The following PTPRN2 variants were observed in gnomAD, a reference collection of about 807,000 sequenced individuals.
PTPRN2 encodes the protein receptor-type tyrosine-protein phosphatase N2.
In PTPRN2, 74 loss-of-function variants were observed where a neutral mutation model predicts 118.8. The ratio of observed to expected loss-of-function variants is 0.62; its 90% CI spans 0.52 to 0.76. The LOEUF (loss-of-function observed/expected upper bound fraction) is 0.76. Ranked by LOEUF, PTPRN2 falls within the 30% of genes least tolerant of loss-of-function variation. The pLI is 0.00. For synonymous variants in PTPRN2, 641 were observed against 608.0 expected, an observed-to-expected ratio of 1.05 and a Z score of -0.80; for missense variants, 1,481 against 1,394.4, an observed-to-expected ratio of 1.06 and a Z score of -0.99.
At chr7:158,225,208 C>A (rs1055158258) in intron 3 of PTPRN2, among the ~76,000 whole-genome samples, 39 of 151,820 alleles carry the variant, frequency 2.6e-4, no homozygotes, top group African/African-American at 9.4e-4. Context: ...TCATAAGACA[C>A]AAAAATTGAA....
chr7:158,358,735 G>A (rs1441470727), intron 2 of PTPRN2, among the ~76,000 whole-genome samples: 2 of 152,196 alleles, frequency 1.3e-5, no homozygotes, highest in Admixed American at 6.5e-5. Context: ...GCACTGATAC[G>A]TGGCCCCCAG....
chr7:157,731,681 C>T (rs4716774), intron 12 of PTPRN2, among the ~76,000 whole-genome samples: 18 of 15,168 alleles, frequency 1.2e-3, no homozygotes, highest in Middle Eastern at 0.045. Context: ...GTTACCCTTT[C>T]CCGTCCCACG....
intron 14 of PTPRN2, among the ~76,000 whole-genome samples, chr7:157,638,277 C>T (rs888785916): frequency 1.3e-5 from 2 of 152,076 alleles, no homozygotes; most frequent in African/African-American, 4.8e-5. Context: ...ACCAACCAAA[C>T]GTGCTCACAA....
rs968273216 is a variant in PTPRN2, at chr7:157,619,876, C to T, written c.2344+1486G>A. 6.6e-6 allele frequency among the ~76,000 whole-genome samples: 1 copy of T among 152,174 alleles called. No individual in the cohort carries two copies. Among genetic ancestry groups the T allele is most frequent in the African/African-American group, 2.4e-5 (1 of 41,444 alleles). ...CAGGCGGTGTCTCAGGGACACCAGT[C>T]TGATCCCTTGACCGGCTCCGAAGGG... On this transcript the variant is annotated intron_variant, in intron 15 of 22. Transcript: ENST00000389418. This position sits in a 1 kb window ranked among gnomAD's most constrained non-coding sequence, Gnocchi z 5.3.
At chr7:158,388,091 C>T (rs115824276) in intron 2 of PTPRN2, among the ~76,000 whole-genome samples, 3,184 of 152,236 alleles carry the variant, frequency 0.021, 99 homozygotes, top group African/African-American at 0.071. Flanking sequence ...AAAATACTTT[C>T]GGAGGATTCC....
At chr7:157,713,376 C>T (rs924601479) in intron 12 of PTPRN2, among the ~76,000 whole-genome samples, 5 of 152,132 alleles carry the variant, frequency 3.3e-5, no homozygotes, top group African/African-American at 7.2e-5. Context: ...ATTTTCTCCT[C>T]ATTAAGTAAT....
chr7:157,990,007 A>T lies in PTPRN2; in HGVS notation c.1724-91270T>A, dbSNP rs1201638479. Among the ~76,000 whole-genome samples the T allele has an allele frequency of 1.3e-5, 2 of 152,030 alleles. No homozygotes were observed. Among genetic ancestry groups the T allele is most frequent in the Non-Finnish European group, 2.9e-5 (2 of 68,004 alleles). On this transcript the variant is annotated intron_variant, in intron 11 of 22. Transcript: ENST00000389418. The surrounding 1 kb of genome is among the most constrained non-coding windows in gnomAD (Gnocchi z 4.3). ...AGAGCTGCTTCGTGTCCCTTCTTTG[A>T]CAGTAAAAGTTGTTTTCTTGGAAAT...
chr7:158,364,527 A>C (rs571216996), intron 2 of PTPRN2, among the ~76,000 whole-genome samples: 95 of 152,382 alleles, frequency 6.2e-4, no homozygotes, highest in African/African-American at 2.2e-3. Context: ...AAGATCTGAG[A>C]ATACAAGCAA....
intron 3 of PTPRN2, among the ~76,000 whole-genome samples, chr7:158,270,842 C>A (rs1414199442): frequency 3.6e-5 from 1 of 28,160 alleles, no homozygotes; most frequent in Non-Finnish European, 6.1e-5. Flanking sequence ...ATGACCCCCT[C>A]ACCTGGACCG....
rs1029740551 is a variant in PTPRN2 at position 157,779,616 on chromosome 7, C to T, written c.1789-96679G>A. ...TCTGTCTAAATAACTTGCTTCTCAC[C>T]CTGCTGCAGGAGTCTCCGAAGCACA... On this transcript the variant is annotated intron_variant, in intron 12 of 22. Transcript: ENST00000389418. This position sits in a 1 kb window ranked among gnomAD's most constrained non-coding sequence, Gnocchi z 4.7. Among the ~76,000 whole-genome samples, 4 of 152,178 alleles carry T rather than the reference C, an allele frequency of 2.6e-5. No homozygotes were observed. Among genetic ancestry groups the T allele is most frequent in the African/African-American group, 9.7e-5 (4 of 41,444 alleles).
chr7:158,497,248 C>G (rs1249031920), intron 1 of PTPRN2, among the ~76,000 whole-genome samples: 1 of 135,768 alleles, frequency 7.4e-6, no homozygotes, highest in Non-Finnish European at 1.6e-5. Context: ...CCTGGGCTGC[C>G]AAGCAAGGGG....
chr7:158,042,081 G>A (rs1382206818), intron 11 of PTPRN2, among the ~76,000 whole-genome samples: 1 of 152,190 alleles, frequency 6.6e-6, no homozygotes, highest in Non-Finnish European at 1.5e-5. Context: ...TCGTGCGGCT[G>A]GACACGCACT....
intron 2 of PTPRN2, among the ~76,000 whole-genome samples, chr7:158,393,555 C>A (rs763011550): frequency 5.3e-5 from 8 of 152,226 alleles, no homozygotes; most frequent in Admixed American, 3.9e-4. Flanking sequence ...CCGGCACCTG[C>A]TGCAGACCGG....
intron 2 of PTPRN2, among the ~76,000 whole-genome samples, chr7:158,322,512 A>G (rs1803114263): frequency 6.6e-6 from 1 of 151,632 alleles, no homozygotes; most frequent in Non-Finnish European, 1.5e-5. Flanking sequence ...AGTTCCGTGC[A>G]TGGCAACACC....
At chr7:158,425,732 G>C (rs1202045951) in intron 2 of PTPRN2, among the ~76,000 whole-genome samples, 2 of 64,772 alleles carry the variant, frequency 3.1e-5, no homozygotes, top group Non-Finnish European at 5.6e-5. Context: ...GTCCAGCCTA[G>C]CTGAGGCCTG....
chr7:158,311,028 A>C (rs1163968110), intron 3 of PTPRN2, among the ~76,000 whole-genome samples: 2 of 152,154 alleles, frequency 1.3e-5, no homozygotes, highest in Admixed American at 6.5e-5. Context: ...TCCTCTCAGC[A>C]AGAAGGAAAG....
chr7:157,540,835 A>C (rs1585002487), intron 22 of PTPRN2, 50 bp from the exon 23 acceptor site: 1 of 1,444,126 alleles, frequency 6.9e-7, no homozygotes, highest in Non-Finnish European at 9.5e-7. Flanking sequence ...CGTCCCCCCG[A>C]CTCCTGCCAC....
intron 12 of PTPRN2, among the ~76,000 whole-genome samples, chr7:157,775,921 T>C (rs1563095711): frequency 6.6e-6 from 1 of 152,030 alleles, no homozygotes. Context: ...ATAGGGATGG[T>C]CAGTGAGGAG....
chr7:157,576,468 C>G (rs1248535298), intron 19 of PTPRN2, 145 bp downstream of exon 19: 8 of 826,782 alleles, frequency 9.7e-6, no homozygotes, highest in South Asian at 2.0e-5. Context: ...AGTCTTCCCG[C>G]CTCTCGCTTC....
Sources: gnomAD v4.1 joint callset for allele counts (sites outside exome capture counted in the v4.1 genomes callset) on GRCh38, gnomAD v4.1.1 for gene constraint, Gnocchi (gnomAD v3.1) non-coding constraint, MANE v1.5 for transcripts, NCBI Gene and HGNC (gene_info 2026-07-23, HGNC 2026-07-21) for gene names.